Variants in GRK3 observed in about 807,000 individuals in gnomAD.
GRK3 encodes adrenergic, beta, receptor kinase 2.
In GRK3, 54 loss-of-function variants were observed where a neutral mutation model predicts 95.7. The observed-to-expected ratio is 0.56, with a 90% CI of 0.45 to 0.71. The LOEUF (loss-of-function observed/expected upper bound fraction) is 0.71, where lower values mean the gene tolerates loss of function less well. Ranked by LOEUF, GRK3 falls within the 30% of genes least tolerant of loss-of-function variation. GRK3 has a pLI of 0.00. For missense variants in GRK3, 649 were observed against 851.2 expected, an observed-to-expected ratio of 0.76 and a Z score of 2.96; for synonymous variants, 281 against 290.8, an observed-to-expected ratio of 0.97 and a Z score of 0.34.
At chr22:25,666,098 T>C (rs2084940078) in intron 5 of GRK3, among the ~76,000 whole-genome samples, 1 of 152,228 alleles carries the variant, frequency 6.6e-6, no homozygotes, top group Non-Finnish European at 1.5e-5. Context: ...ACTGTTGAAC[T>C]CTGGCTTTCA....
chr22:25,623,943 G>A lies in GRK3; in HGVS notation c.190+19490G>A, dbSNP rs756975210. ...ATTTTTGCTGGGAAACATAGCCTCC[G>A]GCCAGGAGTCAGGATCAGGCACTTC... On this transcript the variant is annotated intron_variant, in intron 2 of 20. Coordinates refer to ENST00000324198, the MANE Select transcript of GRK3 (RefSeq NM_005160.4). Among the ~76,000 whole-genome samples the A allele has an allele frequency of 3.9e-5, 6 of 151,986 alleles. No homozygotes were observed. The East Asian group carries it at 7.7e-4, about 20-fold the overall frequency.
chr22:25,712,836 A>C (rs1344085570), intron 17 of GRK3, among the ~76,000 whole-genome samples: 2 of 152,236 alleles, frequency 1.3e-5, no homozygotes, highest in African/African-American at 2.4e-5. Context: ...GAAAGAGCAC[A>C]CTTAGAACAA....
chr22:25,717,907 T>A (rs2085399382), intron 18 of GRK3, among the ~76,000 whole-genome samples: 1 of 152,206 alleles, frequency 6.6e-6, no homozygotes, highest in South Asian at 2.1e-4. Flanking sequence ...ATAGCTTGAC[T>A]TTAAATACCG....
At chr22:25,672,272 AG>A in intron 6 of GRK3, 23 bp from the exon 7 acceptor site, 1 of 1,191,562 alleles carries the variant, frequency 8.4e-7, no homozygotes, top group Non-Finnish European at 1.2e-6. Flanking sequence ...TTAACTTTTT[AG>A]TAATTATTTT....
chr22:25,579,764 G>GT (rs1269372380), intron 1 of GRK3, among the ~76,000 whole-genome samples: 1 of 152,000 alleles, frequency 6.6e-6, no homozygotes, highest in East Asian at 1.9e-4. Context: ...GGGCCACCGA[G>GT]CCTGGCCGAG....
At chr22:25,608,070 C>G (rs1476967233) in intron 2 of GRK3, among the ~76,000 whole-genome samples, 1 of 152,164 alleles carries the variant, frequency 6.6e-6, no homozygotes, top group African/African-American at 2.4e-5. Context: ...CTAAAGTGGG[C>G]TCAGATGTGG....
At chr22:25,603,621 A>C (rs1163611023) in intron 1 of GRK3, among the ~76,000 whole-genome samples, 2 of 152,124 alleles carry the variant, frequency 1.3e-5, no homozygotes, top group Non-Finnish European at 2.9e-5. Context: ...GAAATAGCTT[A>C]TTTATTTCTA....
chr22:25,673,679 G>T (rs759689338), intron 7 of GRK3, among the ~76,000 whole-genome samples: 12 of 152,014 alleles, frequency 7.9e-5, no homozygotes, highest in Non-Finnish European at 1.8e-4. Flanking sequence ...AATTTGCCAG[G>T]ATATGTAAAG....
At chr22:25,713,867 G>T (rs1372402185) in intron 17 of GRK3, among the ~76,000 whole-genome samples, 1 of 152,124 alleles carries the variant, frequency 6.6e-6, no homozygotes, top group Non-Finnish European at 1.5e-5. Context: ...TGATTATGAT[G>T]TCAAACTGTA....
chr22:25,617,916 A>G (rs756559917), intron 2 of GRK3, among the ~76,000 whole-genome samples: 1 of 152,176 alleles, frequency 6.6e-6, no homozygotes, highest in Non-Finnish European at 1.5e-5. Context: ...AGCTGGGACT[A>G]CAGGCACTTG....
At position 25,644,579 on chromosome 22, in the gene GRK3, T is replaced by G. The variant is rs567877164; in HGVS notation, c.191-13T>G. The G allele has an allele frequency of 1.1e-5, 15 of 1,425,752 alleles. No individual in the cohort carries two copies. Among genetic ancestry groups the G allele is most frequent in the Non-Finnish European group, 1.5e-5 (15 of 1,031,024 alleles). 88.3% of individuals were successfully genotyped at this position (1,425,752 alleles called of 1,614,324 possible). ...AATTGCCCACCCTGAAATTTTTTATTTTTTTCCTTTAGGTTTCTTGCTATT... is the reference window on the plus strand; with the variant it reads ...AATTGCCCACCCTGAAATTTTTTATGTTTTTCCTTTAGGTTTCTTGCTATT... On this transcript the variant is annotated splice_polypyrimidine_tract_variant and intron_variant, in intron 2 of 20. Coordinates refer to ENST00000324198, the MANE Select transcript of GRK3 (RefSeq NM_005160.4).
chr22:25,638,513 G>A (rs187571608), intron 2 of GRK3, among the ~76,000 whole-genome samples: 5 of 152,244 alleles, frequency 3.3e-5, no homozygotes, highest in Admixed American at 1.3e-4. Flanking sequence ...CACCTCAGTC[G>A]GTCATAGTTC....
chr22:25,595,518 A>T (rs2084366602), intron 1 of GRK3, among the ~76,000 whole-genome samples: 1 of 152,250 alleles, frequency 6.6e-6, no homozygotes, highest in African/African-American at 2.4e-5. Flanking sequence ...GATATTAAAA[A>T]TACAAATAGG....
chr22:25,676,620 G>A (rs1402589208), intron 8 of GRK3, among the ~76,000 whole-genome samples: 1 of 151,896 alleles, frequency 6.6e-6, no homozygotes, highest in African/African-American at 2.4e-5. Flanking sequence ...GAACCCGGGA[G>A]GTGGAAGTTG....
At chr22:25,657,317 G>A (rs2084879123) in intron 3 of GRK3, among the ~76,000 whole-genome samples, 1 of 152,136 alleles carries the variant, frequency 6.6e-6, no homozygotes, top group African/African-American at 2.4e-5. Context: ...ATTGTAGAAT[G>A]TCTGTTTCTT....
chr22:25,587,559 G>C (rs997186389), intron 1 of GRK3, among the ~76,000 whole-genome samples: 3 of 152,172 alleles, frequency 2.0e-5, no homozygotes, highest in Non-Finnish European at 4.4e-5. Flanking sequence ...CTCCCAAGTA[G>C]CTGGGACCAC....
rs115268461 is a variant in GRK3, at chr22:25,607,419, A to G, written c.190+2966A>G. ...TACTGTTCTTGTATTGTAATTGATG[A>G]TAATATTTCTTGTAATCTAGACCAG... On this transcript the variant is annotated intron_variant, in intron 2 of 20. Coordinates refer to ENST00000324198, the MANE Select transcript of GRK3 (RefSeq NM_005160.4). Among the ~76,000 whole-genome samples the G allele has an allele frequency of 7.3e-3, 1,103 of 151,662 alleles. 18 individuals are homozygous for G. The highest frequency in any genetic ancestry group is 0.024 in the African/African-American group (991 of 41,326).
chr22:25,705,179 T>C (rs1290545233), intron 15 of GRK3, among the ~76,000 whole-genome samples: 1 of 152,210 alleles, frequency 6.6e-6, no homozygotes, highest in Non-Finnish European at 1.5e-5. Flanking sequence ...GATGAAGATT[T>C]AGCTCACTCA....
chr22:25,711,170 A>G lies in GRK3; in HGVS notation c.1491+7A>G. 4 of 1,554,240 alleles carry G rather than the reference A, an allele frequency of 2.6e-6. No individual in the cohort carries two copies. Among genetic ancestry groups the G allele is most frequent in the African/African-American group, 1.4e-5 (1 of 73,118 alleles). On this transcript the variant is annotated splice_region_variant and intron_variant, in intron 17 of 20. Coordinates refer to ENST00000324198, the MANE Select transcript of GRK3 (RefSeq NM_005160.4). Reference sequence around the variant, plus strand: ...GGATACCAAAGGGATTAAGGTACACATGTGATCATTTATTTCTTTATTTTT... The same window carrying G: ...GGATACCAAAGGGATTAAGGTACACGTGTGATCATTTATTTCTTTATTTTT...
Sources: allele counts gnomAD v4.1 joint callset (sites outside exome capture counted in the v4.1 genomes callset), GRCh38; gene constraint gnomAD v4.1.1; transcripts MANE v1.5; gene names NCBI Gene and HGNC (gene_info 2026-07-23, HGNC 2026-07-21).